The following SUGCT variants were observed in gnomAD, a reference collection of about 807,000 sequenced individuals.
SUGCT encodes succinyl-CoA:glutarate-CoA transferase, also known as succinyl-CoA:glutarate CoA-transferase.
Under a neutral mutation model 55.0 loss-of-function variants are expected in SUGCT, and 41 were observed. The observed-to-expected ratio is 0.74, with a 90% CI of 0.58 to 0.97. The LOEUF (loss-of-function observed/expected upper bound fraction) is 0.97, where lower values mean the gene tolerates loss of function less well. SUGCT is among the 50% of genes least tolerant of loss of function. The pLI is 0.00. For missense variants in SUGCT, 568 were observed against 547.8 expected, an observed-to-expected ratio of 1.04 and a Z score of -0.37; for synonymous variants, 187 against 200.4, an observed-to-expected ratio of 0.93 and a Z score of 0.56.
intron 12 of SUGCT, among the ~76,000 whole-genome samples, chr7:40,584,192 C>T (rs1238541406): frequency 1.3e-5 from 2 of 152,096 alleles, no homozygotes; most frequent in East Asian, 1.9e-4. Flanking sequence ...GTGTATTATT[C>T]GAGAGAGGCT....
intron 11 of SUGCT, among the ~76,000 whole-genome samples, chr7:40,463,857 T>C (rs938629018): frequency 1.3e-5 from 2 of 152,132 alleles, no homozygotes; most frequent in Non-Finnish European, 2.9e-5. Context: ...TAGGTAAAAC[T>C]CAATCATGTT....
At chr7:40,934,748 AG>A in the SUGCT span, among the ~76,000 whole-genome samples, 1 of 152,208 alleles carries the variant, frequency 6.6e-6, no homozygotes, top group African/African-American at 2.4e-5. Context: ...CCGCCAAGCC[AG>A]GCACAAGAGA....
chr7:40,481,589 C>T (rs1463767197), intron 11 of SUGCT, among the ~76,000 whole-genome samples: 1 of 151,988 alleles, frequency 6.6e-6, no homozygotes, highest in Non-Finnish European at 1.5e-5. Context: ...TAAAAATCAT[C>T]TACACATTTA....
intron 7 of SUGCT, among the ~76,000 whole-genome samples, chr7:40,239,917 G>A (rs547828811): frequency 2.0e-5 from 3 of 152,252 alleles, no homozygotes; most frequent in South Asian, 4.2e-4. Context: ...AGTAGTTACC[G>A]CATCTGTTTC....
chr7:40,553,669 T>C (rs555701311), intron 12 of SUGCT, among the ~76,000 whole-genome samples: 1 of 152,218 alleles, frequency 6.6e-6, no homozygotes, highest in Non-Finnish European at 1.5e-5. Flanking sequence ...TTCCACACCA[T>C]CTACCTCGTT....
At chr7:40,179,371 G>C (rs1785072668) in intron 1 of SUGCT, among the ~76,000 whole-genome samples, 2 of 151,404 alleles carry the variant, frequency 1.3e-5, no homozygotes, top group Admixed American at 6.6e-5. Flanking sequence ...TCAGATTACT[G>C]CAACATCTGC....
chr7:41,016,389 C>A, the SUGCT span, among the ~76,000 whole-genome samples: 1 of 152,080 alleles, frequency 6.6e-6, no homozygotes. Flanking sequence ...CATAAGATAG[C>A]ACATTACATC....
Position 40,377,193 on chromosome 7 carries a change from T to C in SUGCT, c.816+60338T>C, listed in dbSNP as rs1270616721. On this transcript the variant is annotated intron_variant, in intron 9 of 13. Transcript: ENST00000335693. ...TTCTTTCTTTCTTTCTTTCTTTCTT[T>C]CTTTCTTTTCTTTTCTTTTCTTTCT... Among the ~76,000 whole-genome samples the C allele has an allele frequency of 6.9e-3, 71 of 10,346 alleles. 12 individuals are homozygous for C. The highest frequency in any genetic ancestry group is 0.042 in the Non-Finnish European group (47 of 1,128). 6.8% of individuals were successfully genotyped at this position (10,346 alleles called of 152,430 possible).
chr7:40,896,540 G>GT, the SUGCT span, among the ~76,000 whole-genome samples: 1 of 152,126 alleles, frequency 6.6e-6, no homozygotes, highest in Non-Finnish European at 1.5e-5. Flanking sequence ...TCTCATGATA[G>GT]TGAGTGAGTT....
At chr7:40,295,854 C>T (rs538855015) in intron 8 of SUGCT, among the ~76,000 whole-genome samples, 1 of 152,296 alleles carries the variant, frequency 6.6e-6, no homozygotes, top group Non-Finnish European at 1.5e-5. Flanking sequence ...TATCTCTCCT[C>T]TACCATATGC....
chr7:40,218,402 C>T (rs780305004), intron 6 of SUGCT, among the ~76,000 whole-genome samples: 13 of 152,174 alleles, frequency 8.5e-5, no homozygotes, highest in Non-Finnish European at 1.9e-4. Flanking sequence ...AACTGGATGT[C>T]ATGATCAGTC....
chr7:40,388,816 C>T (rs561203161), intron 9 of SUGCT, among the ~76,000 whole-genome samples: 2 of 152,118 alleles, frequency 1.3e-5, no homozygotes, highest in African/African-American at 2.4e-5. Flanking sequence ...AGCACAGTCT[C>T]CTATTATTTT....
chr7:40,378,330 A>G (rs1784707214), intron 9 of SUGCT, among the ~76,000 whole-genome samples: 1 of 151,978 alleles, frequency 6.6e-6, no homozygotes, highest in African/African-American at 2.4e-5. Flanking sequence ...TCTACTATTC[A>G]GACTGGATAG....
At chr7:40,342,623 C>T (rs1487018481) in intron 9 of SUGCT, among the ~76,000 whole-genome samples, 1 of 147,010 alleles carries the variant, frequency 6.8e-6, no homozygotes, top group Non-Finnish European at 1.5e-5. Context: ...CCTAAAATTA[C>T]TCTGTCAAAT....
At chr7:40,817,721 C>A (rs912663544) in intron 13 of SUGCT, among the ~76,000 whole-genome samples, 15 of 151,892 alleles carry the variant, frequency 9.9e-5, no homozygotes, top group African/African-American at 3.4e-4. Context: ...ATAGACTGAA[C>A]AAAAGTAGGC....
chr7:40,344,414 A>T (rs1389041968), intron 9 of SUGCT, among the ~76,000 whole-genome samples: 5 of 152,136 alleles, frequency 3.3e-5, no homozygotes, highest in African/African-American at 4.8e-5. Context: ...TGCTGATTTT[A>T]TGTGACCCAT....
chr7:40,443,276 G>T (rs998225416), intron 9 of SUGCT, among the ~76,000 whole-genome samples: 1 of 151,980 alleles, frequency 6.6e-6, no homozygotes, highest in African/African-American at 2.4e-5. Flanking sequence ...TTTCTAGTTT[G>T]AGATCCCTGA....
At chr7:40,330,233 C>G (rs1048114283) in intron 9 of SUGCT, among the ~76,000 whole-genome samples, 11 of 152,150 alleles carry the variant, frequency 7.2e-5, no homozygotes, top group Non-Finnish European at 1.3e-4. Context: ...TGAGGTGTCT[C>G]AAGGGAAGTT....
chr7:40,750,228 A>T (rs1330884170), intron 13 of SUGCT, among the ~76,000 whole-genome samples: 1 of 152,136 alleles, frequency 6.6e-6, no homozygotes, highest in Non-Finnish European at 1.5e-5. Flanking sequence ...TAATCACAAT[A>T]TTACCTTTAT....
Sources: allele counts gnomAD v4.1 joint callset (sites outside exome capture counted in the v4.1 genomes callset), GRCh38; gene constraint gnomAD v4.1.1; transcripts MANE v1.5; gene names NCBI Gene and HGNC (gene_info 2026-07-23, HGNC 2026-07-21).